Variants in EYS observed in about 807,000 individuals in gnomAD.
EYS encodes the protein protein eyes shut homolog.
A neutral mutation model predicts 282.1 loss-of-function variants in EYS; 250 were observed. That is an observed-to-expected ratio of 0.89 (90% CI 0.80 to 0.98). EYS has a LOEUF of 0.98. Among genes scored for constraint, EYS ranks in the 50% least tolerant of loss-of-function variants. The pLI, the probability that EYS is intolerant of heterozygous loss-of-function variation, is 0.00. For missense variants in EYS, 4,016 were observed against 3,709.0 expected, an observed-to-expected ratio of 1.08 and a Z score of -2.15; for synonymous variants, 1,355 against 1,282.9, an observed-to-expected ratio of 1.06 and a Z score of -1.20.
At position 64,724,068 on chromosome 6, in the gene EYS, G is replaced by T. The variant is rs546009920; in HGVS notation, c.3443+89310C>A. Among the ~76,000 whole-genome samples, 466 of 150,946 alleles carry T rather than the reference G, an allele frequency of 3.1e-3. 2 individuals carry two copies. Among genetic ancestry groups the T allele is most frequent in the African/African-American group, 0.011 (447 of 40,942 alleles). ...GTCTCATAATGTTATAATCATTGTT[G>T]TTTTTTTTTTTGTTGTTTTAACATT... is the stretch of plus-strand genomic sequence containing the variant. On this transcript the variant is annotated intron_variant, in intron 22 of 42. Transcript: ENST00000503581.
At chr6:65,057,766 A>T in intron 12 of EYS, 39 bp from the exon 13 acceptor site, 1 of 1,302,808 alleles carries the variant, frequency 7.7e-7, no homozygotes, top group Non-Finnish European at 1.1e-6. Context: ...AGTGTTAACA[A>T]GACAGGCATG....
intron 35 of EYS, among the ~76,000 whole-genome samples, chr6:63,934,094 T>TGAACAGACACTTCTCAAAA: frequency 6.6e-6 from 1 of 152,142 alleles, no homozygotes; most frequent in Non-Finnish European, 1.5e-5. Context: ...GTGAAGGATA[T>TGAACAGACACTTCTCAAAA]GAACAGACAC....
At chr6:63,952,184 C>G (rs1437256323) in intron 35 of EYS, among the ~76,000 whole-genome samples, 1 of 152,244 alleles carries the variant, frequency 6.6e-6, no homozygotes, top group African/African-American at 2.4e-5. Flanking sequence ...GCTTCAAGTG[C>G]CAGAAATCTG....
Position 64,983,973 on chromosome 6 carries a change from C to T in EYS, c.2259+13609G>A, listed in dbSNP as rs180931582. Among the ~76,000 whole-genome samples, 143 of 151,376 alleles carry T rather than the reference C, an allele frequency of 9.4e-4. 1 individual carries two copies. The Middle Eastern group carries it at 0.01, about 11-fold the overall frequency. On this transcript the variant is annotated intron_variant, in intron 14 of 42. Transcript: ENST00000503581. ...AGTGAGGAAGCAGAAAAGTAGAGCG[C>T]TGTCTAAAGTAGGCAGAGACTACTC...
At chr6:64,444,806 G>A (rs909470635) in intron 26 of EYS, among the ~76,000 whole-genome samples, 5 of 152,306 alleles carry the variant, frequency 3.3e-5, no homozygotes, top group African/African-American at 1.2e-4. Flanking sequence ...TAATGAGTGA[G>A]TTCTCACTCT....
chr6:64,981,795 C>T (rs116522020), intron 14 of EYS, among the ~76,000 whole-genome samples: 1,617 of 151,354 alleles, frequency 0.011, 32 homozygotes, highest in African/African-American at 0.038. Flanking sequence ...TCCTCCTTGG[C>T]TTTGGGTTAG....
intron 22 of EYS, among the ~76,000 whole-genome samples, chr6:64,686,743 A>ACAGCC: frequency 9.0e-5 from 1 of 11,062 alleles, no homozygotes; most frequent in Non-Finnish European, 4.0e-4. Context: ...TTCCATCTAA[A>ACAGCC]TATATATATA....
chr6:63,888,856 A>G (rs1773335781), intron 35 of EYS, among the ~76,000 whole-genome samples: 2 of 152,244 alleles, frequency 1.3e-5, no homozygotes, highest in African/African-American at 4.8e-5. Context: ...CTAAAGGAGC[A>G]TGTTCTAATC....
intron 22 of EYS, among the ~76,000 whole-genome samples, chr6:64,745,526 AC>A (rs72557463): frequency 0.1 from 15,273 of 152,186 alleles, 1,006 homozygotes; most frequent in East Asian, 0.24. Flanking sequence ...TATTTTCATA[AC>A]CTTCCAAAAA....
chr6:64,544,707 A>T (rs1475671755), intron 26 of EYS, among the ~76,000 whole-genome samples: 2 of 152,132 alleles, frequency 1.3e-5, no homozygotes, highest in African/African-American at 4.8e-5. Flanking sequence ...CAATCCCACA[A>T]ATATACAAAC....
At chr6:65,133,413 A>G (rs2150203848) in intron 12 of EYS, among the ~76,000 whole-genome samples, 1 of 152,154 alleles carries the variant, frequency 6.6e-6, no homozygotes, top group African/African-American at 2.4e-5. Flanking sequence ...TTATGGTACT[A>G]GTACAGAAAC....
chr6:64,200,456 A>G (rs1445080979), intron 31 of EYS, among the ~76,000 whole-genome samples: 1 of 152,156 alleles, frequency 6.6e-6, no homozygotes, highest in Non-Finnish European at 1.5e-5. Context: ...GTATGTGCTC[A>G]ATAACAGTTA....
intron 22 of EYS, among the ~76,000 whole-genome samples, chr6:64,751,276 G>A (rs1448564428): frequency 1.3e-5 from 2 of 152,204 alleles, no homozygotes; most frequent in Non-Finnish European, 2.9e-5. Context: ...AGGAGTTGGT[G>A]GAGCAGTGCT....
At chr6:65,690,540 C>G (rs1053837149) in intron 1 of EYS, among the ~76,000 whole-genome samples, 1 of 149,986 alleles carries the variant, frequency 6.7e-6, no homozygotes, top group African/African-American at 2.4e-5. Flanking sequence ...CAGGCGGAAG[C>G]ACATCACGCG....
intron 13 of EYS, among the ~76,000 whole-genome samples, chr6:65,005,114 C>T (rs952286890): frequency 1.4e-5 from 2 of 147,756 alleles, no homozygotes; most frequent in Non-Finnish European, 3.0e-5. Flanking sequence ...GCTTGCCGTC[C>T]ACCACTGCTG....
At chr6:63,771,595 A>C (rs114526636) in intron 40 of EYS, among the ~76,000 whole-genome samples, 1 of 152,170 alleles carries the variant, frequency 6.6e-6, no homozygotes, top group Admixed American at 6.6e-5. Context: ...GAAGATAAAC[A>C]TTCCTTTTGG....
chr6:64,219,351 G>A (rs1012365090), intron 31 of EYS, among the ~76,000 whole-genome samples: 1 of 152,098 alleles, frequency 6.6e-6, no homozygotes, highest in South Asian at 2.1e-4. Flanking sequence ...CAAACTAAGA[G>A]GGTAGAGAAA....
chr6:65,194,948 G>T (rs1200828013), intron 12 of EYS, among the ~76,000 whole-genome samples: 1 of 151,610 alleles, frequency 6.6e-6, no homozygotes, highest in East Asian at 2.0e-4. Context: ...ATAGTCTATG[G>T]GTTTCTATTT....
rs73768417 is a variant in EYS at position 64,782,774 on chromosome 6, A to G, written c.3443+30604T>C. ...AAAAGAATAGTTTAAAGTTATGAAA[A>G]TAGGCCAGTTCTCAATTACATATAT... On this transcript the variant is annotated intron_variant, in intron 22 of 42. Transcript: ENST00000503581. 6.4e-3 allele frequency among the ~76,000 whole-genome samples: 972 copies of G among 152,350 alleles called. 15 individuals are homozygous for G. Among genetic ancestry groups the G allele is most frequent in the African/African-American group, 0.022 (923 of 41,592 alleles).
Sources: allele counts gnomAD v4.1 joint callset (sites outside exome capture counted in the v4.1 genomes callset), GRCh38; gene constraint gnomAD v4.1.1; transcripts MANE v1.5; gene names NCBI Gene and HGNC (gene_info 2026-07-23, HGNC 2026-07-21).